The following MYO1F variants were observed in gnomAD, a reference collection of about 807,000 sequenced individuals.
MYO1F encodes the protein unconventional myosin-If.
MYO1F carries 60 observed loss-of-function variants against 146.6 expected under a neutral mutation model. The ratio of observed to expected loss-of-function variants is 0.41; its 90% CI spans 0.33 to 0.51. The LOEUF is 0.51. Among genes scored for constraint, MYO1F ranks in the 20% least tolerant of loss-of-function variants. MYO1F has a pLI of 0.25. For synonymous variants in MYO1F, 602 were observed against 602.1 expected (o/e 1.00, Z 0.00); for missense variants, 1,274 against 1,534.3 (o/e 0.83, Z 2.83).
At position 8,563,683 on chromosome 19, in the gene MYO1F, T is replaced by G. The variant is rs550716007; in HGVS notation, c.4-7887A>C. On this transcript the variant is annotated intron_variant, in intron 1 of 27. Coordinates refer to ENST00000644032, the MANE Select transcript of MYO1F (RefSeq NM_012335.4). ...ATCAACACGCCCAGCTAATTTTTTT[T>G]GTATTTTTAGTAGAGATGGGCTTTC... 1.3e-3 allele frequency among the ~76,000 whole-genome samples: 193 copies of G among 151,820 alleles called. 1 individual carries two copies. The highest frequency in any genetic ancestry group is 2.1e-3 in the Non-Finnish European group (140 of 67,926).
intron 19 of MYO1F, among the ~76,000 whole-genome samples, chr19:8,532,758 C>T (rs76181887): frequency 0.044 from 6,755 of 151,854 alleles, 503 homozygotes; most frequent in African/African-American, 0.15. Context: ...GGTGATGGCA[C>T]GCATGTGTAG....
At chr19:8,556,898 A>T (rs1001327297) in intron 1 of MYO1F, among the ~76,000 whole-genome samples, 11 of 124,256 alleles carry the variant, frequency 8.9e-5, no homozygotes, top group Non-Finnish European at 1.6e-4. Flanking sequence ...AAAAAAAAAA[A>T]AAAAAAAAAA....
chr19:8,530,618 C>T lies in MYO1F; in HGVS notation c.2044-45G>A. 6.8e-7 allele frequency: 1 copy of T among 1,477,720 alleles called. No individual in the cohort carries two copies. The highest frequency in any genetic ancestry group is 9.4e-7 in the Non-Finnish European group (1 of 1,066,402). The allele number at this position is 1,477,720 out of a possible 1,614,324, so 91.5% of individuals were successfully genotyped here. A position where few individuals can be genotyped will look rare whatever the true frequency, so the allele number is the denominator to read the frequency against. The stretch of plus-strand genomic sequence containing the variant: ...GGCAAGGGTGAGTCCTGGTGTCTCC[C>T]CAGGGGCTGCAGTTCCGGGTTTTCC... On this transcript the variant is annotated intron_variant, in intron 19 of 27. Transcript: ENST00000644032. The surrounding 1 kb of genome is among the most constrained non-coding windows in gnomAD (Gnocchi z 5.8).
At position 8,554,583 on chromosome 19, in the gene MYO1F, G is replaced by C; in HGVS notation, c.232-12C>G. 6.2e-7 allele frequency: 1 copy of C among 1,611,980 alleles called. No homozygotes were observed. The highest frequency in any genetic ancestry group is 8.5e-7 in the Non-Finnish European group (1 of 1,178,104). ...TTCTCATACTGGGCCTGGCAGGGGAGGTCAGGTCTCAGCCCAGGGCTGGGG... is the reference window on the plus strand; with the variant it reads ...TTCTCATACTGGGCCTGGCAGGGGACGTCAGGTCTCAGCCCAGGGCTGGGG... On this transcript the variant is annotated splice_polypyrimidine_tract_variant and intron_variant, in intron 3 of 27. Coordinates refer to ENST00000644032, the MANE Select transcript of MYO1F (RefSeq NM_012335.4).
chr19:8,546,707 A>G (rs1476563177), intron 12 of MYO1F, among the ~76,000 whole-genome samples: 1 of 151,030 alleles, frequency 6.6e-6, no homozygotes, highest in Non-Finnish European at 1.5e-5. Context: ...ACAGGGTCTC[A>G]TTCTGCTGTT....
intron 1 of MYO1F, among the ~76,000 whole-genome samples, chr19:8,575,325 T>G (rs1555733545): frequency 6.6e-6 from 1 of 152,006 alleles, no homozygotes; most frequent in Non-Finnish European, 1.5e-5. Flanking sequence ...TCTGCCCGCC[T>G]CGGCCTCCCA....
intron 25 of MYO1F, among the ~76,000 whole-genome samples, chr19:8,523,210 T>C (rs906477470): frequency 6.6e-6 from 1 of 152,074 alleles, no homozygotes; most frequent in African/African-American, 2.4e-5. Context: ...TTTTTAAATA[T>C]TTTTAGTAGA....
intron 1 of MYO1F, among the ~76,000 whole-genome samples, chr19:8,564,479 A>T (rs1421497513): frequency 6.6e-6 from 1 of 151,968 alleles, no homozygotes; most frequent in East Asian, 1.9e-4. Flanking sequence ...AGTGGCATGG[A>T]GGGGTTGAAG....
chr19:8,555,671 G>C lies in MYO1F; in HGVS notation c.129C>G (p.Asp43Glu). Reference protein sequence around the residue: ...IAANLRKRFMDDYIFTYIGSV... With the variant: ...IAANLRKRFMEDYIFTYIGSV... The stretch of plus-strand genomic sequence containing the variant: ...TGGCCCAGGGTACGAAGATGTAGTC[G>C]TCCATGAAGCGCTTCCGGAGGTTGG... Residue 43 changes from aspartate to glutamate, a missense_variant, in exon 2 of 28, where the codon GAC becomes GAG. Physicochemically the swap from Asp to Glu is conservative, Grantham distance 45. Around this residue, in one of 2 missense-constraint regions of MYO1F, gnomAD observed 900 missense variants for 1,155.1 expected, o/e 0.78. Transcript: ENST00000644032. 1 of 1,614,076 alleles carries C rather than the reference G, an allele frequency of 6.2e-7. No individual in the cohort carries two copies. The highest frequency in any genetic ancestry group is 8.5e-7 in the Non-Finnish European group (1 of 1,180,008).
At chr19:8,539,726 T>C (rs996118973) in intron 16 of MYO1F, among the ~76,000 whole-genome samples, 5 of 152,136 alleles carry the variant, frequency 3.3e-5, no homozygotes, top group Non-Finnish European at 7.3e-5. Context: ...TACTTCTGCA[T>C]TGAAGGAGTT....
chr19:8,534,974 C>T (rs528344423), intron 19 of MYO1F, among the ~76,000 whole-genome samples: 3 of 151,836 alleles, frequency 2.0e-5, no homozygotes, highest in Non-Finnish European at 2.9e-5. Context: ...TGCAGTGGCA[C>T]GATCTTGGCT....
At chr19:8,541,432 T>G (rs1027472768) in intron 15 of MYO1F, among the ~76,000 whole-genome samples, 4 of 146,358 alleles carry the variant, frequency 2.7e-5, no homozygotes, top group African/African-American at 7.6e-5. Flanking sequence ...TGTGTTTTTT[T>G]TTTTTTTTTT....
intron 1 of MYO1F, among the ~76,000 whole-genome samples, chr19:8,556,322 AC>A (rs1973852662): frequency 2.1e-5 from 3 of 143,420 alleles, no homozygotes; most frequent in Admixed American, 1.4e-4. Context: ...GAGCCACCGC[AC>A]CCGGCCTCTT....
At chr19:8,574,301 A>G (rs1404935640) in intron 1 of MYO1F, among the ~76,000 whole-genome samples, 2 of 152,096 alleles carry the variant, frequency 1.3e-5, no homozygotes, top group Non-Finnish European at 2.9e-5. Flanking sequence ...CTCCCCAATT[A>G]CCACAATCGT....
chr19:8,550,396 T>G (rs764028694), intron 9 of MYO1F, 40 bp from the exon 10 acceptor site: 20 of 1,593,070 alleles, frequency 1.3e-5, no homozygotes, highest in Non-Finnish European at 1.6e-5. Flanking sequence ...GGACAGTTGG[T>G]TGGGCTCTTG....
intron 15 of MYO1F, 75 bp downstream of exon 15, chr19:8,541,831 T>C: frequency 7.3e-7 from 1 of 1,368,160 alleles, no homozygotes; most frequent in South Asian, 1.2e-5. Context: ...CTGGGTAAGA[T>C]GGAGTGGGGC....
At chr19:8,531,699 G>GA (rs1347714817) in intron 19 of MYO1F, among the ~76,000 whole-genome samples, 18 of 152,232 alleles carry the variant, frequency 1.2e-4, no homozygotes, top group African/African-American at 4.3e-4. Context: ...GCTTTTGCAA[G>GA]AAACGGTATG....
intron 1 of MYO1F, among the ~76,000 whole-genome samples, chr19:8,564,867 G>C (rs1250406342): frequency 6.6e-6 from 1 of 151,942 alleles, no homozygotes; most frequent in Non-Finnish European, 1.5e-5. Flanking sequence ...CCGCCTCCCG[G>C]GTTCAAGTGA....
intron 1 of MYO1F, among the ~76,000 whole-genome samples, chr19:8,568,316 G>A (rs897296411): frequency 2.6e-5 from 4 of 151,232 alleles, no homozygotes; most frequent in African/African-American, 7.3e-5. Context: ...CCAGCTCCTC[G>A]GGAGGCTGAG....
Sources: allele counts gnomAD v4.1 joint callset (sites outside exome capture counted in the v4.1 genomes callset), GRCh38; gene constraint gnomAD v4.1.1; regional missense constraint gnomAD v4.1.1; non-coding constraint Gnocchi (gnomAD v3.1); transcripts MANE v1.5; gene names NCBI Gene and HGNC (gene_info 2026-07-23, HGNC 2026-07-21).